CHCHD3: variants seen among roughly 807,000 people sequenced by gnomAD.
CHCHD3 encodes the protein MICOS complex subunit MIC19.
In CHCHD3, 20 loss-of-function variants were observed where a neutral mutation model predicts 38.2. That is an observed-to-expected ratio of 0.52 (90% CI 0.37 to 0.76). The LOEUF (loss-of-function observed/expected upper bound fraction) is 0.76. CHCHD3 is among the 30% of genes least tolerant of loss of function. The pLI is 0.00. For missense variants in CHCHD3, 245 were observed against 279.2 expected (o/e 0.88, Z 0.87); for synonymous variants, 82 against 100.0 (o/e 0.82, Z 1.07).
intron 3 of CHCHD3, among the ~76,000 whole-genome samples, chr7:132,997,276 A>G (rs1812444857): frequency 6.6e-6 from 1 of 152,166 alleles, no homozygotes; most frequent in South Asian, 2.1e-4. Flanking sequence ...TATCACAGGA[A>G]GATTAATCTG....
Position 133,082,056 on chromosome 7 carries a change from A to G in CHCHD3, c.-119T>C. The G allele has an allele frequency of 2.2e-6, 2 of 920,166 alleles. No individual in the cohort carries two copies. The highest frequency in any genetic ancestry group is 1.7e-5 in the African/African-American group (1 of 57,906). The allele number at this position is 920,166 out of a possible 1,614,324, so 57.0% of individuals were successfully genotyped here. A position where few individuals can be genotyped will look rare whatever the true frequency, so the allele number is the denominator to read the frequency against. ...TTTCCCGCACAGCGGGAGCAAGGCC[A>G]CGACCCCCAGAAGCAAGGAGAAGGC... On this transcript the variant is annotated 5_prime_UTR_variant, in exon 1 of 8. Transcript: ENST00000262570.
In CHCHD3 at chr7:132,922,560, C is replaced by CT. The variant is rs34127740; in HGVS notation, c.370-36816dup. On this transcript the variant is annotated intron_variant, in intron 4 of 7. Transcript: ENST00000262570. ...ATCCCTGCTTCTCTTCCTCTCTATA[C>CT]TTTTTTTTTTTTTAAGCAAACTTAC... 3.1e-3 allele frequency among the ~76,000 whole-genome samples: 458 copies of CT among 146,998 alleles called. 1 individual carries two copies. Among genetic ancestry groups the CT allele is most frequent in the South Asian group, 6.5e-3 (30 of 4,632 alleles).
At chr7:132,841,523 A>G (rs1158586778) in intron 5 of CHCHD3, among the ~76,000 whole-genome samples, 1 of 152,204 alleles carries the variant, frequency 6.6e-6, no homozygotes, top group East Asian at 1.9e-4. Context: ...GTGAAAATCT[A>G]CAAAGTAAAG....
chr7:132,820,509 A>G (rs1807334766), intron 6 of CHCHD3, among the ~76,000 whole-genome samples: 1 of 152,032 alleles, frequency 6.6e-6, no homozygotes. Flanking sequence ...ATCTCCTTTC[A>G]TAGAAACAAG....
intron 6 of CHCHD3, among the ~76,000 whole-genome samples, chr7:132,836,564 T>C (rs1807788060): frequency 6.6e-6 from 1 of 152,160 alleles, no homozygotes; most frequent in South Asian, 2.1e-4. Flanking sequence ...ACTGCAGTCC[T>C]GGGTTCAAGC....
At chr7:133,013,185 C>CAAAAA (rs778964079) in intron 3 of CHCHD3, among the ~76,000 whole-genome samples, 1 of 18,412 alleles carries the variant, frequency 5.4e-5, no homozygotes. Context: ...GACTCCGCCT[C>CAAAAA]AAAAAAAAAA....
intron 3 of CHCHD3, among the ~76,000 whole-genome samples, chr7:132,989,576 C>T (rs1161302707): frequency 6.6e-6 from 1 of 152,156 alleles, no homozygotes; most frequent in Non-Finnish European, 1.5e-5. Flanking sequence ...GGAACAAGTA[C>T]CACCTGTCCT....
intron 7 of CHCHD3, among the ~76,000 whole-genome samples, chr7:132,789,857 T>TC (rs1319887272): frequency 6.6e-6 from 1 of 152,010 alleles, no homozygotes; most frequent in Non-Finnish European, 1.5e-5. Context: ...TGGAGATGTG[T>TC]CCTGGCACAG....
intron 6 of CHCHD3, among the ~76,000 whole-genome samples, chr7:132,832,278 T>TA (rs1807670075): frequency 6.6e-6 from 1 of 152,160 alleles, no homozygotes; most frequent in Non-Finnish European, 1.5e-5. Flanking sequence ...AGCCTAAATT[T>TA]ATAAGTCAGG....
intron 3 of CHCHD3, among the ~76,000 whole-genome samples, chr7:133,011,663 G>A (rs1454535307): frequency 1.3e-5 from 2 of 152,156 alleles, no homozygotes; most frequent in East Asian, 1.9e-4. Context: ...CCTAAGGCAG[G>A]GGTGGCAAAG....
At chr7:133,040,921 G>A (rs374548363) in intron 2 of CHCHD3, among the ~76,000 whole-genome samples, 1 of 152,254 alleles carries the variant, frequency 6.6e-6, no homozygotes, top group East Asian at 1.9e-4. Flanking sequence ...CATAAAACAA[G>A]CCATTCAGTC....
chr7:132,897,400 C>T (rs1809527351), intron 4 of CHCHD3, among the ~76,000 whole-genome samples: 1 of 152,212 alleles, frequency 6.6e-6, no homozygotes, highest in East Asian at 1.9e-4. Context: ...AATGTTCACA[C>T]TATTGGGACC....
chr7:132,848,273 T>C (rs1278376897), intron 5 of CHCHD3, among the ~76,000 whole-genome samples: 1 of 152,226 alleles, frequency 6.6e-6, no homozygotes, highest in Non-Finnish European at 1.5e-5. Flanking sequence ...GTTCCCATTG[T>C]TGAGTAGCCA....
intron 2 of CHCHD3, among the ~76,000 whole-genome samples, chr7:133,037,288 A>C (rs1813706161): frequency 6.6e-6 from 1 of 152,234 alleles, no homozygotes; most frequent in African/African-American, 2.4e-5. Flanking sequence ...ACAATGAGGG[A>C]GAACAATATA....
At chr7:132,983,123 A>C (rs955940961) in intron 3 of CHCHD3, among the ~76,000 whole-genome samples, 3 of 152,104 alleles carry the variant, frequency 2.0e-5, no homozygotes, top group Admixed American at 6.5e-5. Context: ...GGAGTTCGAG[A>C]CCAGCCTAGC....
chr7:132,851,904 TATC>T (rs375591425), intron 5 of CHCHD3, among the ~76,000 whole-genome samples: 366 of 152,334 alleles, frequency 2.4e-3, no homozygotes, highest in African/African-American at 8.4e-3. Context: ...CCTGGTCTCA[TATC>T]ATCTCCTATG....
At chr7:132,826,773 T>G (rs899785202) in intron 6 of CHCHD3, among the ~76,000 whole-genome samples, 1 of 152,228 alleles carries the variant, frequency 6.6e-6, no homozygotes, top group Non-Finnish European at 1.5e-5. Flanking sequence ...ATTATTATAT[T>G]GAAAAGTACC....
intron 6 of CHCHD3, among the ~76,000 whole-genome samples, chr7:132,805,418 G>A (rs1234234700): frequency 1.3e-5 from 2 of 152,056 alleles, no homozygotes; most frequent in East Asian, 1.9e-4. Context: ...CTCAGAGGGC[G>A]TTTGAGAGGA....
At chr7:133,013,206 A>AAG (rs35863843) in intron 3 of CHCHD3, among the ~76,000 whole-genome samples, 3,223 of 108,558 alleles carry the variant, frequency 0.03, 307 homozygotes, top group African/African-American at 0.044. Context: ...AAAAAAAAAA[A>AAG]CATTCAGACA....
Sources: gnomAD v4.1 joint callset for allele counts (sites outside exome capture counted in the v4.1 genomes callset) on GRCh38, gnomAD v4.1.1 for gene constraint, MANE v1.5 for transcripts, NCBI Gene and HGNC (gene_info 2026-07-23, HGNC 2026-07-21) for gene names.